PDE6C: variants seen among roughly 807,000 people sequenced by gnomAD.
PDE6C encodes phosphodiesterase 6C, also known as cone cGMP-specific 3',5'-cyclic phosphodiesterase subunit alpha'.
A neutral mutation model predicts 113.1 loss-of-function variants in PDE6C; 75 were observed. That is an observed-to-expected ratio of 0.66 (90% CI 0.55 to 0.80). The LOEUF (loss-of-function observed/expected upper bound fraction) is 0.80, where lower values mean the gene tolerates loss of function less well. Ranked by LOEUF, PDE6C falls within the 30% of genes least tolerant of loss-of-function variation. PDE6C has a pLI of 0.00. For missense variants in PDE6C, 912 were observed against 1,038.6 expected, an observed-to-expected ratio of 0.88 and a Z score of 1.67; for synonymous variants, 375 against 363.7, an observed-to-expected ratio of 1.03 and a Z score of -0.35.
chr10:93,649,110 G>A (rs1428759207), intron 15 of PDE6C, among the ~76,000 whole-genome samples: 1 of 152,112 alleles, frequency 6.6e-6, no homozygotes, highest in Non-Finnish European at 1.5e-5. Flanking sequence ...GGTGTGCTAT[G>A]CAGAATTCAT....
In PDE6C at chr10:93,665,424, T is replaced by C. The variant is rs370410505; in HGVS notation, c.*6T>C. ...AAACATGTTTAATGTTGTAATATTA[T>C]CTAACTGGTCTAAACTTCAAATATC... On this transcript the variant is annotated 3_prime_UTR_variant, in exon 22 of 22. Coordinates refer to ENST00000371447, the MANE Select transcript of PDE6C (RefSeq NM_006204.4). 2.0e-6 allele frequency: 3 copies of C among 1,535,106 alleles called. No individual in the cohort carries two copies. The highest frequency in any genetic ancestry group is 2.7e-6 in the Non-Finnish European group (3 of 1,108,168).
At chr10:93,658,169 C>CATA (rs2058647836) in intron 16 of PDE6C, among the ~76,000 whole-genome samples, 1 of 59,888 alleles carries the variant, frequency 1.7e-5, no homozygotes, top group African/African-American at 6.3e-5. Context: ...GATTCTGTCT[C>CATA]AAAAAAAAAA....
At chr10:93,654,810 C>CTTTTTTTT (rs57025205) in intron 15 of PDE6C, among the ~76,000 whole-genome samples, 2 of 77,116 alleles carry the variant, frequency 2.6e-5, no homozygotes, top group African/African-American at 5.2e-5. Context: ...TTCTTTCTTT[C>CTTTTTTTT]TTTTTTTTTT....
intron 7 of PDE6C, among the ~76,000 whole-genome samples, chr10:93,628,145 C>A (rs1315541057): frequency 1.3e-5 from 2 of 152,226 alleles, no homozygotes. Context: ...GCCAGGAGAG[C>A]TGATTTCCCC....
At chr10:93,626,980 G>A (rs2134599503) in intron 7 of PDE6C, 109 bp downstream of exon 7, 2 of 1,018,588 alleles carry the variant, frequency 2.0e-6, no homozygotes, top group East Asian at 2.6e-5. Context: ...AAAGCTAGAT[G>A]GGCCGGGCGC....
intron 4 of PDE6C, among the ~76,000 whole-genome samples, chr10:93,623,404 G>A (rs931139002): frequency 1.3e-5 from 2 of 152,166 alleles, no homozygotes; most frequent in Non-Finnish European, 2.9e-5. Context: ...CTCCCAGTCT[G>A]TGGCTTATCT....
intron 18 of PDE6C, among the ~76,000 whole-genome samples, chr10:93,661,602 T>A (rs973173943): frequency 6.6e-6 from 1 of 151,112 alleles, no homozygotes; most frequent in Non-Finnish European, 1.5e-5. Context: ...TTGATAAATG[T>A]TTTTTTTTAG....
In PDE6C at chr10:93,634,917, A is replaced by G. The variant is rs371276239; in HGVS notation, c.1269+10A>G. 6.2e-7 allele frequency: 1 copy of G among 1,613,572 alleles called. No individual in the cohort carries two copies. The highest frequency in any genetic ancestry group is 8.5e-7 in the Non-Finnish European group (1 of 1,179,652). On this transcript the variant is annotated intron_variant, in intron 9 of 21. Transcript: ENST00000371447. ...TGAATACATTACCGAGGCAAGTGCAATAATAAGATAATGGAAGTCAATGCA... is the reference window on the plus strand; with the variant it reads ...TGAATACATTACCGAGGCAAGTGCAGTAATAAGATAATGGAAGTCAATGCA...
intron 18 of PDE6C, among the ~76,000 whole-genome samples, chr10:93,661,020 C>A (rs559394664): frequency 1.3e-5 from 2 of 152,094 alleles, no homozygotes; most frequent in Non-Finnish European, 1.5e-5. Context: ...TTTCTCCCAA[C>A]AAAACTTGCC....
chr10:93,661,004 G>T (rs2058663474), intron 18 of PDE6C, among the ~76,000 whole-genome samples: 1 of 152,106 alleles, frequency 6.6e-6, no homozygotes. Flanking sequence ...AAGAAGTAAA[G>T]TCTATTTTCT....
intron 10 of PDE6C, 65 bp downstream of exon 10, chr10:93,635,705 T>C: frequency 2.6e-6 from 4 of 1,525,312 alleles, no homozygotes; most frequent in Non-Finnish European, 3.6e-6. Flanking sequence ...AGAAGTCATC[T>C]AATTACCCAG....
At position 93,623,870 on chromosome 10, in the gene PDE6C, A is replaced by T. The variant is rs115222985; in HGVS notation, c.865-1705A>T. 3.0e-3 allele frequency among the ~76,000 whole-genome samples: 457 copies of T among 152,290 alleles called. 3 individuals carry two copies. Among genetic ancestry groups the T allele is most frequent in the African/African-American group, 0.01 (418 of 41,558 alleles). ...TATTGCAGCTTCATGGCAAATCTTA[A>T]GTCAGGTAGTGTCAGCTTTTTGATT... On this transcript the variant is annotated intron_variant, in intron 4 of 21. Transcript: ENST00000371447.
At position 93,612,768 on chromosome 10, in the gene PDE6C, G is replaced by A; in HGVS notation, c.43G>A (p.Glu15Lys). 6.2e-7 allele frequency: 1 copy of A among 1,614,150 alleles called. No homozygotes were observed. Among genetic ancestry groups the A allele is most frequent in the Non-Finnish European group, 8.5e-7 (1 of 1,180,040 alleles). The change falls in exon 1 of 22, where the codon GAG (glutamate) becomes AAG (lysine). Residue 15 changes from glutamate to lysine, a missense_variant. Glu to Lys is a moderately conservative substitution (Grantham distance 56). Transcript: ENST00000371447. ...NQVAVEKYLE[E>K]NPQFAKEYFD... ...AGTTGCCGTGGAGAAATACCTGGAG[G>A]AGAACCCTCAGTTTGCCAAGGAGTA...
At chr10:93,652,156 G>C (rs1293108751) in intron 15 of PDE6C, among the ~76,000 whole-genome samples, 1 of 152,140 alleles carries the variant, frequency 6.6e-6, no homozygotes, top group Non-Finnish European at 1.5e-5. Context: ...AACGAGGTGA[G>C]CATAGTAAAG....
intron 8 of PDE6C, among the ~76,000 whole-genome samples, chr10:93,632,501 G>A (rs2058506571): frequency 6.6e-6 from 1 of 152,162 alleles, no homozygotes; most frequent in South Asian, 2.1e-4. Context: ...GGTTCCTTCT[G>A]TAACTTGTCT....
chr10:93,655,627 A>T (rs1446685933), intron 15 of PDE6C, 133 bp from the exon 16 acceptor site: 5 of 560,034 alleles, frequency 8.9e-6, no homozygotes, highest in African/African-American at 5.8e-5. Context: ...AAAAAAAAAA[A>T]AGGAAGGAAA....
Position 93,634,793 on chromosome 10 carries a change from G to C in PDE6C, c.1155G>C (p.Lys385Asn). 1 of 1,614,126 alleles carries C rather than the reference G, an allele frequency of 6.2e-7. No homozygotes were observed. The highest frequency in any genetic ancestry group is 8.5e-7 in the Non-Finnish European group (1 of 1,179,988). Residue 385 changes from lysine to asparagine, a missense_variant, in exon 9 of 22, where the codon AAG becomes AAC. Coordinates refer to ENST00000371447, the MANE Select transcript of PDE6C (RefSeq NM_006204.4). ...TAGACGAAACTGGTTGGGTCATTAA[G>C]AATGTTTTGTCCCTGCCTATTGTCA... Reference protein sequence around the residue: ...GPVDETGWVIKNVLSLPIVNK... With the variant: ...GPVDETGWVINNVLSLPIVNK...
At position 93,658,888 on chromosome 10, in the gene PDE6C, G is replaced by A. The variant is rs765202218; in HGVS notation, c.2037-13G>A. The A allele has an allele frequency of 2.7e-6, 4 of 1,502,202 alleles. No individual in the cohort carries two copies. The highest frequency in any genetic ancestry group is 3.3e-5 in the Admixed American group (2 of 59,834). The allele number at this position is 1,502,202 out of a possible 1,614,324, so 93.1% of individuals were successfully genotyped here. The stretch of plus-strand genomic sequence containing the variant: ...TAAGCTAAAATTGTTGCTCACAGCT[G>A]TATCTTTTCTAGGAAGAGGACCATG... On this transcript the variant is annotated splice_polypyrimidine_tract_variant and intron_variant, in intron 16 of 21. Transcript: ENST00000371447.
At chr10:93,648,173 T>C (rs939716345) in intron 15 of PDE6C, among the ~76,000 whole-genome samples, 5 of 152,110 alleles carry the variant, frequency 3.3e-5, no homozygotes, top group Non-Finnish European at 5.9e-5. Context: ...TCCATCTGAA[T>C]TTTTTTTAAT....
Sources: gnomAD v4.1 joint callset for allele counts (sites outside exome capture counted in the v4.1 genomes callset) on GRCh38, gnomAD v4.1.1 for gene constraint, MANE v1.5 for transcripts, NCBI Gene and HGNC (gene_info 2026-07-23, HGNC 2026-07-21) for gene names.